TNPO3: variants seen among roughly 807,000 people sequenced by gnomAD.
The protein encoded by TNPO3 is transportin-3.
A neutral mutation model predicts 122.8 loss-of-function variants in TNPO3; 65 were observed. That is an observed-to-expected ratio of 0.53 (90% CI 0.43 to 0.65). The LOEUF is 0.65. Ranked by LOEUF, TNPO3 falls within the 30% of genes least tolerant of loss-of-function variation. The pLI is 0.00. For missense variants in TNPO3, 850 were observed against 1,136.7 expected (o/e 0.75, Z 3.63); for synonymous variants, 372 against 411.2 (o/e 0.90, Z 1.15).
In TNPO3 at chr7:128,984,230, A is replaced by G; in HGVS notation, c.1720T>C (p.Leu574=). The part of the protein sequence containing the change: ...GTALVLARLP[L]DKITECLSEL... The stretch of plus-strand genomic sequence containing the variant: ...CTAAGACATTCGGTAATCTTATCCA[A>G]AGGTAATCGGGCTAGGACAAGTGCT... Residue 574 remains leucine, a synonymous_variant, in exon 13 of 23, where the codon TTG becomes CTG. Transcript: ENST00000265388. 1.2e-6 allele frequency: 2 copies of G among 1,613,254 alleles called. No individual in the cohort carries two copies. Among genetic ancestry groups the G allele is most frequent in the Non-Finnish European group, 8.5e-7 (1 of 1,179,654 alleles).
intron 21 of TNPO3, among the ~76,000 whole-genome samples, chr7:128,961,546 CAT>C (rs540451440): frequency 3.1e-4 from 47 of 152,168 alleles, no homozygotes; most frequent in Non-Finnish European, 5.7e-4. Flanking sequence ...TTAAGTAACA[CAT>C]GACTGTATTT....
At chr7:128,957,179 A>G in intron 22 of TNPO3, 45 bp downstream of exon 22, 1 of 1,539,362 alleles carries the variant, frequency 6.5e-7, no homozygotes, top group Non-Finnish European at 9.0e-7. Flanking sequence ...GGCATCCCCA[A>G]CAGTCCGACA....
At chr7:129,012,117 T>C (rs944072098) in intron 4 of TNPO3, among the ~76,000 whole-genome samples, 3 of 150,642 alleles carry the variant, frequency 2.0e-5, no homozygotes, top group African/African-American at 7.3e-5. Context: ...GAGATTCTCC[T>C]GCCTCAGCCT....
chr7:129,003,039 CAAAAAAA>C (rs56226072), intron 5 of TNPO3, among the ~76,000 whole-genome samples: 8 of 53,284 alleles, frequency 1.5e-4, no homozygotes, highest in East Asian at 9.4e-4. Context: ...GACTCCCTCT[CAAAAAAA>C]AAAAAAAAAA....
At position 129,018,120 on chromosome 7, in the gene TNPO3, A is replaced by C; in HGVS notation, c.158T>G (p.Ile53Ser). 1 of 1,614,196 alleles carries C rather than the reference A, an allele frequency of 6.2e-7. No homozygotes were observed. The highest frequency in any genetic ancestry group is 8.5e-7 in the Non-Finnish European group (1 of 1,180,030). ...AWEISDQLLQ[I>S]RQDVESCYFA... Reference sequence around the variant, plus strand: ...ATAGCATGACTCCACATCCTGCCGGATCTGTAACAACTGGTCTGAGATCTC... The same window carrying C: ...ATAGCATGACTCCACATCCTGCCGGCTCTGTAACAACTGGTCTGAGATCTC... The change falls in exon 2 of 23, where the codon ATC becomes AGC. Residue 53 changes from isoleucine to serine, a missense_variant. Physicochemically the swap from Ile to Ser is moderately radical, Grantham distance 142. Transcript: ENST00000265388.
chr7:129,017,158 C>A, intron 2 of TNPO3, 102 bp from the exon 3 acceptor site: 1 of 1,077,814 alleles, frequency 9.3e-7, no homozygotes, highest in South Asian at 1.3e-5. Context: ...AACAATATGA[C>A]AACTAAGACT....
At chr7:129,001,662 C>T (rs2150380760) in intron 5 of TNPO3, among the ~76,000 whole-genome samples, 1 of 152,292 alleles carries the variant, frequency 6.6e-6, no homozygotes, top group South Asian at 2.1e-4. Flanking sequence ...ATTATAGCCT[C>T]TTTCTGAACA....
chr7:128,996,585 T>G (rs1245866378), intron 8 of TNPO3, among the ~76,000 whole-genome samples: 1 of 151,674 alleles, frequency 6.6e-6, no homozygotes, highest in African/African-American at 2.4e-5. Flanking sequence ...CTACTAAATA[T>G]ACAAATAATT....
chr7:128,972,615 C>T (rs1340448724), intron 18 of TNPO3, 33 bp from the exon 19 acceptor site: 1 of 1,592,330 alleles, frequency 6.3e-7, no homozygotes, highest in Non-Finnish European at 8.6e-7. Context: ...GTATAAATGA[C>T]AAGATTAGGC....
chr7:129,002,707 A>G (rs1480446615), intron 5 of TNPO3, among the ~76,000 whole-genome samples: 2 of 152,138 alleles, frequency 1.3e-5, no homozygotes, highest in African/African-American at 4.8e-5. Flanking sequence ...TCACAAGGTC[A>G]GGAGATCGAG....
At chr7:129,053,925 A>G (rs936734585) in intron 1 of TNPO3, among the ~76,000 whole-genome samples, 4 of 152,250 alleles carry the variant, frequency 2.6e-5, no homozygotes, top group African/African-American at 9.6e-5. Flanking sequence ...ACAATTAAAT[A>G]TCTCACCGGA....
intron 1 of TNPO3, among the ~76,000 whole-genome samples, chr7:129,022,229 T>G (rs1045124948): frequency 9.9e-5 from 15 of 151,866 alleles, no homozygotes; most frequent in Non-Finnish European, 8.8e-5. Context: ...TACAAAAAAT[T>G]TAAAAATTAG....
In TNPO3 at chr7:128,963,586, A is replaced by C. The variant is rs1244465430; in HGVS notation, c.2711+3694T>G. On this transcript the variant is annotated intron_variant, in intron 21 of 22. Coordinates refer to ENST00000265388, the MANE Select transcript of TNPO3 (RefSeq NM_012470.4). ...CATGAAGGGTCACATGCTATTTTTC[A>C]GTCATGCATGTCACTTGATCTATGG... Among the ~76,000 whole-genome samples, 3 of 152,244 alleles carry C rather than the reference A, an allele frequency of 2.0e-5. No homozygotes were observed. The East Asian group carries it at 5.8e-4, about 29-fold the overall frequency.
chr7:129,050,404 G>T (rs867207593), intron 1 of TNPO3, among the ~76,000 whole-genome samples: 2 of 93,198 alleles, frequency 2.1e-5, no homozygotes, highest in African/African-American at 7.8e-5. Context: ...AAAAAAAAGG[G>T]TGGGGGGGGA....
rs531951678 is a variant in TNPO3 at position 129,022,177 on chromosome 7, G to C, written c.121-4020C>G. On this transcript the variant is annotated intron_variant, in intron 1 of 22. Transcript: ENST00000265388. The stretch of plus-strand genomic sequence containing the variant: ...AGGTGGGAGGCTTACTTGAGGCCAG[G>C]AGTTTGGGACCAGCCTGAGCAACAT... Among the ~76,000 whole-genome samples, 54 of 152,188 alleles carry C rather than the reference G, an allele frequency of 3.5e-4. 1 individual carries two copies. In the South Asian group the frequency reaches 0.011, roughly 30 times the overall value.
At chr7:129,020,059 T>C (rs895826149) in intron 1 of TNPO3, among the ~76,000 whole-genome samples, 1 of 152,016 alleles carries the variant, frequency 6.6e-6, no homozygotes, top group Non-Finnish European at 1.5e-5. Flanking sequence ...TCCCAGCTAC[T>C]TGGGATGCTG....
At chr7:128,994,516 A>G (rs1374381734) in intron 8 of TNPO3, among the ~76,000 whole-genome samples, 1 of 152,138 alleles carries the variant, frequency 6.6e-6, no homozygotes, top group African/African-American at 2.4e-5. Flanking sequence ...GGGGAGAGTG[A>G]GAAGTGACCT....
At chr7:129,032,268 AG>A (rs1244755170) in intron 1 of TNPO3, among the ~76,000 whole-genome samples, 1 of 152,236 alleles carries the variant, frequency 6.6e-6, no homozygotes, top group Non-Finnish European at 1.5e-5. Flanking sequence ...GAAGACAAAA[AG>A]CTTTTCAAAA....
chr7:129,019,603 C>T (rs924236867), intron 1 of TNPO3, among the ~76,000 whole-genome samples: 1 of 152,142 alleles, frequency 6.6e-6, no homozygotes, highest in African/African-American at 2.4e-5. Flanking sequence ...AATCCCAGCA[C>T]TTTGGGAGGC....
Sources: gnomAD v4.1 joint callset for allele counts (sites outside exome capture counted in the v4.1 genomes callset) on GRCh38, gnomAD v4.1.1 for gene constraint, MANE v1.5 for transcripts, NCBI Gene and HGNC (gene_info 2026-07-23, HGNC 2026-07-21) for gene names.